ULK4: variants seen among roughly 807,000 people sequenced by gnomAD.
ULK4 encodes the protein unc-51 like kinase 4.
ULK4 carries 133 observed loss-of-function variants against 160.6 expected under a neutral mutation model. The observed-to-expected ratio is 0.83, with a 90% CI of 0.72 to 0.96. ULK4 has a LOEUF of 0.96. Among genes scored for constraint, ULK4 ranks in the 40% least tolerant of loss-of-function variants. The pLI is 0.00. For missense variants in ULK4, 1,580 were observed against 1,499.5 expected (o/e 1.05, Z -0.89); for synonymous variants, 534 against 539.8 (o/e 0.99, Z 0.15).
chr3:41,921,025 AG>A (rs1178738340), intron 5 of ULK4, among the ~76,000 whole-genome samples: 2 of 152,250 alleles, frequency 1.3e-5, no homozygotes, highest in East Asian at 3.8e-4. Context: ...AGTCAAATTA[AG>A]AAATAAATGT....
chr3:41,384,107 T>C (rs72866638), intron 35 of ULK4, among the ~76,000 whole-genome samples: 4,093 of 152,268 alleles, frequency 0.027, 171 homozygotes, highest in African/African-American at 0.091. Context: ...ATGTGTCAGA[T>C]GCCCTCTTAA....
intron 32 of ULK4, among the ~76,000 whole-genome samples, chr3:41,534,516 C>CAA (rs11381017): frequency 0.41 from 58,457 of 141,872 alleles, 12,251 homozygotes; most frequent in Non-Finnish European, 0.47. Flanking sequence ...AATGTTTAAG[C>CAA]AAAAAAAAAA....
chr3:41,584,693 A>G (rs559713752), intron 31 of ULK4, among the ~76,000 whole-genome samples: 50 of 152,204 alleles, frequency 3.3e-4, no homozygotes, highest in Non-Finnish European at 2.6e-4. Context: ...AGGGTACTTT[A>G]TTCACTTCCC....
intron 15 of ULK4, 131 bp from the exon 16 acceptor site, chr3:41,895,695 G>T: frequency 4.9e-6 from 2 of 408,900 alleles, no homozygotes; most frequent in Non-Finnish European, 8.8e-6. Context: ...CACCAAAAAT[G>T]GTATTTACTA....
At chr3:41,850,958 T>G (rs2042197107) in intron 17 of ULK4, among the ~76,000 whole-genome samples, 1 of 152,234 alleles carries the variant, frequency 6.6e-6, no homozygotes, top group African/African-American at 2.4e-5. Flanking sequence ...TGTTTAAGTC[T>G]TTAATTCATC....
intron 31 of ULK4, among the ~76,000 whole-genome samples, chr3:41,606,340 C>A (rs2032382909): frequency 1.3e-5 from 2 of 151,998 alleles, no homozygotes; most frequent in African/African-American, 4.8e-5. Context: ...GAATAGTAAT[C>A]CACTGCATAT....
intron 29 of ULK4, among the ~76,000 whole-genome samples, chr3:41,670,464 T>C (rs1012907038): frequency 6.6e-6 from 1 of 152,068 alleles, no homozygotes; most frequent in Non-Finnish European, 1.5e-5. Context: ...GTGTTTTGCA[T>C]GGATACAAAG....
intron 35 of ULK4, among the ~76,000 whole-genome samples, chr3:41,331,096 G>A (rs1263964685): frequency 6.6e-6 from 1 of 152,212 alleles, no homozygotes; most frequent in Non-Finnish European, 1.5e-5. Flanking sequence ...CCACTTGGGT[G>A]AAAGAAGGCA....
chr3:41,909,793 G>A (rs935666076), intron 11 of ULK4, among the ~76,000 whole-genome samples: 1 of 151,916 alleles, frequency 6.6e-6, no homozygotes, highest in Admixed American at 6.6e-5. Context: ...TTTAAATATG[G>A]GTAAAACATA....
intron 30 of ULK4, among the ~76,000 whole-genome samples, chr3:41,641,603 AAAAAC>A (rs2034197678): frequency 1.3e-5 from 2 of 152,280 alleles, no homozygotes; most frequent in Admixed American, 6.5e-5. Context: ...TTTAAATCAT[AAAAAC>A]CACTGGCCCT....
At chr3:41,590,011 T>G (rs905978058) in intron 31 of ULK4, among the ~76,000 whole-genome samples, 7 of 146,854 alleles carry the variant, frequency 4.8e-5, no homozygotes, top group African/African-American at 1.8e-4. Context: ...GTTTTTTTTG[T>G]TTTTTTTTTA....
At chr3:41,506,807 T>TATATATATATATATATATATAC (rs1559658299) in intron 32 of ULK4, among the ~76,000 whole-genome samples, 1 of 110,690 alleles carries the variant, frequency 9.0e-6, no homozygotes, top group African/African-American at 3.4e-5. Context: ...TATATATATA[T>TATATATATATATATATATATAC]GAACATGTTT....
chr3:41,606,185 G>C (rs1395705090), intron 31 of ULK4, among the ~76,000 whole-genome samples: 1 of 151,504 alleles, frequency 6.6e-6, no homozygotes, highest in Admixed American at 6.6e-5. Flanking sequence ...TACATTAAAA[G>C]GAAAAGTCAG....
Position 41,715,509 on chromosome 3 carries a change from C to T in ULK4, c.2515G>A (p.Val839Met), listed in dbSNP as rs777923299. 1 of 1,614,112 alleles carries T rather than the reference C, an allele frequency of 6.2e-7. No individual in the cohort carries two copies. Among genetic ancestry groups the T allele is most frequent in the Admixed American group, 1.7e-5 (1 of 60,006 alleles). ...GGGAGACACAACTTCAGCTGTTTCA[C>T]TTGAACTGTTGATGGGTGTTTACGT... is the stretch of plus-strand genomic sequence containing the variant. ...SGRKHPSTVQ[V>M]KQLKLCLPLM... The change falls in exon 24 of 37, where the codon GTG becomes ATG. Residue 839 changes from valine (V) to methionine (M), a missense_variant. By Grantham distance (21) the Val-to-Met change is conservative. Coordinates refer to ENST00000301831, the MANE Select transcript of ULK4 (RefSeq NM_017886.4).
chr3:41,456,595 ACTGT>A (rs1384790130), intron 33 of ULK4, among the ~76,000 whole-genome samples: 2 of 152,204 alleles, frequency 1.3e-5, no homozygotes, highest in Non-Finnish European at 2.9e-5. Context: ...GTTTTATAGA[ACTGT>A]CTAATTCCAA....
At chr3:41,554,535 G>A (rs2087211318) in intron 32 of ULK4, among the ~76,000 whole-genome samples, 1 of 152,140 alleles carries the variant, frequency 6.6e-6, no homozygotes, top group East Asian at 1.9e-4. Flanking sequence ...TAGGATGATA[G>A]TTACCAGAGG....
chr3:41,769,489 A>C (rs1228693035), intron 21 of ULK4, among the ~76,000 whole-genome samples: 1 of 152,236 alleles, frequency 6.6e-6, no homozygotes, highest in Non-Finnish European at 1.5e-5. Context: ...TCATCTTGTC[A>C]TACAGCTCGA....
intron 34 of ULK4, among the ~76,000 whole-genome samples, chr3:41,424,956 T>C (rs2082745280): frequency 6.6e-6 from 1 of 151,722 alleles, no homozygotes; most frequent in African/African-American, 2.4e-5. Context: ...ATGGTGGAAT[T>C]GACAGAAGTA....
In ULK4 at chr3:41,276,232, C is replaced by T. The variant is rs114505711; in HGVS notation, c.3679-26658G>A. Among the ~76,000 whole-genome samples the T allele has an allele frequency of 7.7e-3, 1,167 of 152,320 alleles. 13 individuals carry two copies. The highest frequency in any genetic ancestry group is 0.026 in the African/African-American group (1,093 of 41,576). ...GATAGTAAGTAAGGAACACATTTGG[C>T]ACCCTTACCCCAACTCCAATTTAAC... is the stretch of plus-strand genomic sequence containing the variant. On this transcript the variant is annotated intron_variant, in intron 35 of 36. Transcript: ENST00000301831.
Sources: gnomAD v4.1 joint callset for allele counts (sites outside exome capture counted in the v4.1 genomes callset) on GRCh38, gnomAD v4.1.1 for gene constraint, MANE v1.5 for transcripts, NCBI Gene and HGNC (gene_info 2026-07-23, HGNC 2026-07-21) for gene names.